ERG: variants seen among roughly 807,000 people sequenced by gnomAD.
ERG encodes the protein ETS transcription factor ERG.
In ERG, 9 loss-of-function variants were observed where a neutral mutation model predicts 55.3. The ratio of observed to expected loss-of-function variants is 0.16; its 90% CI spans 0.10 to 0.28. The LOEUF is 0.28. ERG is among the 10% of genes least tolerant of loss of function. The pLI, the probability that ERG is intolerant of heterozygous loss-of-function variation, is 1.00. For missense variants in ERG, 434 were observed against 631.6 expected (o/e 0.69, Z 3.35); for synonymous variants, 223 against 237.3 (o/e 0.94, Z 0.55).
intron 1 of ERG, among the ~76,000 whole-genome samples, chr21:38,626,972 C>T (rs997799423): frequency 1.3e-5 from 2 of 151,992 alleles, no homozygotes; most frequent in African/African-American, 4.8e-5. Context: ...TACAGTTTTG[C>T]AGCCATAATT....
At chr21:38,464,884 G>A (rs879165434) in intron 1 of ERG, among the ~76,000 whole-genome samples, 1 of 152,290 alleles carries the variant, frequency 6.6e-6, no homozygotes, top group South Asian at 2.1e-4. Context: ...TCCCTGCAAA[G>A]GACATGAACT....
intron 1 of ERG, among the ~76,000 whole-genome samples, chr21:38,489,160 C>T (rs768189231): frequency 3.3e-5 from 5 of 152,176 alleles, no homozygotes; most frequent in Non-Finnish European, 5.9e-5. Context: ...ATTGCTGTAG[C>T]AGCATTTTAC....
At chr21:38,564,480 T>C (rs1050488556) in intron 2 of ERG, among the ~76,000 whole-genome samples, 2 of 152,086 alleles carry the variant, frequency 1.3e-5, no homozygotes, top group African/African-American at 4.8e-5. Context: ...AGGGGAACTA[T>C]CATTAAAATA....
intron 1 of ERG, among the ~76,000 whole-genome samples, chr21:38,641,301 T>G (rs458783): frequency 0.81 from 123,629 of 152,194 alleles, 50,612 homozygotes; most frequent in African/African-American, 0.93. Context: ...CTTCTACCAT[T>G]TGAGGACACA....
intron 2 of ERG, among the ~76,000 whole-genome samples, chr21:38,533,798 T>C (rs1355207257): frequency 1.3e-5 from 2 of 152,210 alleles, no homozygotes; most frequent in Admixed American, 1.3e-4. Context: ...TCATTGCATA[T>C]ACCTCTTATA....
chr21:38,577,773 G>A (rs530864911), intron 1 of ERG, among the ~76,000 whole-genome samples: 3 of 152,298 alleles, frequency 2.0e-5, no homozygotes, highest in African/African-American at 7.2e-5. Context: ...CCCTGCTCTG[G>A]GGAGCACATG....
At chr21:38,499,515 C>T (rs937575821), upstream of ERG, among the ~76,000 whole-genome samples, 3 of 152,086 alleles carry the variant, frequency 2.0e-5, no homozygotes, top group African/African-American at 4.8e-5. Context: ...TCTCAATAGG[C>T]GACCCCAAGA....
At chr21:38,400,391 T>C (rs1401044379) in intron 6 of ERG, 183 bp downstream of exon 6, 2 of 714,612 alleles carry the variant, frequency 2.8e-6, no homozygotes, top group Non-Finnish European at 2.6e-6. Context: ...TTTAGTGTGG[T>C]CTTTGAATGA....
At chr21:38,547,061 T>C (rs1004029737) in intron 2 of ERG, among the ~76,000 whole-genome samples, 2 of 152,114 alleles carry the variant, frequency 1.3e-5, no homozygotes, top group Non-Finnish European at 2.9e-5. Flanking sequence ...TGAGTGGGAA[T>C]ATGAGCCAGG....
chr21:38,621,889 C>T (rs191208759), intron 1 of ERG, among the ~76,000 whole-genome samples: 4 of 152,274 alleles, frequency 2.6e-5, no homozygotes, highest in East Asian at 3.9e-4. Context: ...AAACCTGCTC[C>T]GAAGAAAAAA....
chr21:38,424,744 C>T (rs1989740086), intron 2 of ERG, among the ~76,000 whole-genome samples: 1 of 152,158 alleles, frequency 6.6e-6, no homozygotes, highest in South Asian at 2.1e-4. Flanking sequence ...ACATATGGAG[C>T]TTTGAAGACT....
At chr21:38,564,939 T>C (rs1420673444) in intron 2 of ERG, among the ~76,000 whole-genome samples, 2 of 152,162 alleles carry the variant, frequency 1.3e-5, no homozygotes, top group Non-Finnish European at 2.9e-5. Flanking sequence ...TAGACTCATA[T>C]CAACCTCTCA....
chr21:38,498,464 T>G lies in ERG; in HGVS notation c.-84A>C. 1 of 1,567,128 alleles carries G rather than the reference T, an allele frequency of 6.4e-7. No individual in the cohort carries two copies. Among genetic ancestry groups the G allele is most frequent in the Non-Finnish European group, 8.6e-7 (1 of 1,158,400 alleles). ...GACCAGAAAGTAGTTTTGATGAGGT[T>G]GTTTAGAGCGGATGAGATTGTGCTA... is the stretch of plus-strand genomic sequence containing the variant. On this transcript the variant is annotated 5_prime_UTR_variant, in exon 1 of 10. Transcript: ENST00000288319. The surrounding 1 kb of genome is among the most constrained non-coding windows in gnomAD (Gnocchi z 4.6).
chr21:38,397,596 C>CAAAAAAAAAAAAAAAAAAAAAAAAA (rs61047146), intron 6 of ERG, among the ~76,000 whole-genome samples: 1 of 67,164 alleles, frequency 1.5e-5, no homozygotes, highest in Non-Finnish European at 2.6e-5. Flanking sequence ...GACTCCATCT[C>CAAAAAAAAAAAAAAAAAAAAAAAAA]AAAAAAAAAA....
At chr21:38,488,621 G>A (rs2059308563) in intron 1 of ERG, among the ~76,000 whole-genome samples, 1 of 152,148 alleles carries the variant, frequency 6.6e-6, no homozygotes, top group Admixed American at 6.5e-5. Context: ...AACAATCTGT[G>A]AGCTGATATT....
At chr21:38,495,890 C>T (rs1331258447) in intron 1 of ERG, among the ~76,000 whole-genome samples, 1 of 152,160 alleles carries the variant, frequency 6.6e-6, no homozygotes, top group Non-Finnish European at 1.5e-5. Context: ...CAGCACCTCT[C>T]AATATTGTCA....
intron 1 of ERG, among the ~76,000 whole-genome samples, chr21:38,576,212 A>G (rs8130680): frequency 0.55 from 83,439 of 152,142 alleles, 24,056 homozygotes; most frequent in African/African-American, 0.72. Context: ...CACAGCTACC[A>G]TTCATTGAGT....
In ERG at chr21:38,445,436, C is replaced by A. The variant is rs142996574; in HGVS notation, c.204G>T (p.Met68Ile). 1 of 1,614,152 alleles carries A rather than the reference C, an allele frequency of 6.2e-7. No individual in the cohort carries two copies. The highest frequency in any genetic ancestry group is 1.3e-5 in the African/African-American group (1 of 75,054). The change falls in exon 2 of 10, where the codon ATG becomes ATT. Residue 68 changes from methionine (M) to isoleucine (I), a missense_variant. Physicochemically the swap from Met to Ile is conservative, Grantham distance 10. Coordinates refer to ENST00000288319, the MANE Select transcript of ERG (RefSeq NM_182918.4). ...SQPPARVTIK[M>I]ECNPSQVNGS... ...CATTCACCTGGCTAGGGTTACATTC[C>A]ATTTTGATGGTGACCCTGGCTGGGG...
chr21:38,616,197 T>C (rs772257905), intron 1 of ERG, among the ~76,000 whole-genome samples: 7 of 152,116 alleles, frequency 4.6e-5, no homozygotes, highest in African/African-American at 9.7e-5. Flanking sequence ...TCCACCATGA[T>C]TGTAAGTTTC....
Sources: allele counts gnomAD v4.1 joint callset (sites outside exome capture counted in the v4.1 genomes callset), GRCh38; gene constraint gnomAD v4.1.1; non-coding constraint Gnocchi (gnomAD v3.1); transcripts MANE v1.5; gene names NCBI Gene and HGNC (gene_info 2026-07-23, HGNC 2026-07-21).